Variants in MYH14 observed in about 807,000 individuals in gnomAD.
MYH14 encodes myosin-14.
MYH14 carries 123 observed loss-of-function variants against 255.5 expected under a neutral mutation model. The ratio of observed to expected loss-of-function variants is 0.48; its 90% CI spans 0.42 to 0.56. The LOEUF (loss-of-function observed/expected upper bound fraction) is 0.56, where lower values mean the gene tolerates loss of function less well. MYH14 is among the 20% of genes least tolerant of loss of function. MYH14 has a pLI of 0.00. For synonymous variants in MYH14, 1,095 were observed against 1,161.2 expected, an observed-to-expected ratio of 0.94 and a Z score of 1.16; for missense variants, 2,423 against 2,802.3, an observed-to-expected ratio of 0.86 and a Z score of 3.06.
chr19:50,310,063 A>T lies in MYH14; in HGVS notation c.*273A>T, dbSNP rs1035941349. On this transcript the variant is annotated 3_prime_UTR_variant, in exon 43 of 43. Coordinates refer to ENST00000642316, the MANE Select transcript of MYH14 (RefSeq NM_001145809.2). The stretch of plus-strand genomic sequence containing the variant: ...GGTACAGTTGGCAAGCTGTGTTTCC[A>T]TCAGCTCCCTGTCCTCCTTTCTTCC... The T allele has an allele frequency of 1.8e-6, 1 of 558,386 alleles. No homozygotes were observed. The highest frequency in any genetic ancestry group is 1.9e-5 in the African/African-American group (1 of 52,636). 34.6% of individuals were successfully genotyped at this position (558,386 alleles called of 1,614,324 possible).
chr19:50,282,803 G>A (rs1292756548), intron 33 of MYH14, among the ~76,000 whole-genome samples: 1 of 152,150 alleles, frequency 6.6e-6, no homozygotes, highest in Admixed American at 6.5e-5. Flanking sequence ...CTCTCTTTAT[G>A]TTTGGTTCTT....
chr19:50,306,938 A>G, intron 40 of MYH14, 111 bp from the exon 41 acceptor site: 1 of 784,400 alleles, frequency 1.3e-6, no homozygotes, highest in Non-Finnish European at 2.2e-6. Context: ...GGGTTAGGAA[A>G]GAGGGAAGAA....
intron 39 of MYH14, among the ~76,000 whole-genome samples, chr19:50,297,307 T>C (rs1292539296): frequency 1.3e-5 from 2 of 151,882 alleles, no homozygotes; most frequent in Admixed American, 1.3e-4. Flanking sequence ...CTCGTGGTCC[T>C]GGAGGCCAGA....
At chr19:50,299,869 C>T (rs1426246925) in intron 39 of MYH14, among the ~76,000 whole-genome samples, 4 of 150,846 alleles carry the variant, frequency 2.7e-5, no homozygotes, top group South Asian at 2.1e-4. Flanking sequence ...CGCTTGACCC[C>T]GGGAGGCAGA....
In MYH14 at chr19:50,293,143, G is replaced by A; in HGVS notation, c.5257-90G>A. The A allele has an allele frequency of 3.3e-6, 3 of 910,320 alleles. No homozygotes were observed. The highest frequency in any genetic ancestry group is 2.0e-5 in the Admixed American group (1 of 49,990). 56.4% of individuals were successfully genotyped at this position (910,320 alleles called of 1,614,324 possible). A position where few individuals can be genotyped will look rare whatever the true frequency, so the allele number is the denominator to read the frequency against. On this transcript the variant is annotated intron_variant, in intron 37 of 42. Transcript: ENST00000642316. This position sits in a 1 kb window ranked among gnomAD's most constrained non-coding sequence, Gnocchi z 4.1. ...GGACAGCATGAGAAAAAAGCCAAGA[G>A]CCTTGAGGTGTGAGGGACAGAGAAA...
At chr19:50,226,792 G>C (rs1600887399) in intron 7 of MYH14, 111 bp from the exon 8 acceptor site, 1 of 930,220 alleles carries the variant, frequency 1.1e-6, no homozygotes, top group Non-Finnish European at 1.6e-6. Context: ...CAAGGAAGTG[G>C]GGGGGCAGCC....
At chr19:50,224,037 A>AC in intron 5 of MYH14, 117 bp from the exon 6 acceptor site, 4 of 252,566 alleles carry the variant, frequency 1.6e-5, no homozygotes, top group South Asian at 1.0e-4. Flanking sequence ...CGGTTTCCCC[A>AC]GTCCCCCTTC....
At chr19:50,279,531 G>A (rs1237716270) in intron 30 of MYH14, among the ~76,000 whole-genome samples, 2 of 152,184 alleles carry the variant, frequency 1.3e-5, no homozygotes, top group Non-Finnish European at 2.9e-5. Context: ...TACTTGGGAG[G>A]CTAAGGCAGG....
intron 10 of MYH14, among the ~76,000 whole-genome samples, chr19:50,233,591 T>C (rs1670730): frequency 0.62 from 94,933 of 152,022 alleles, 29,768 homozygotes; most frequent in East Asian, 0.72. Flanking sequence ...AGAAATTGAT[T>C]GTCTTGTGGT....
chr19:50,229,606 C>T (rs2033275222), intron 8 of MYH14, among the ~76,000 whole-genome samples: 1 of 152,106 alleles, frequency 6.6e-6, no homozygotes, highest in African/African-American at 2.4e-5. Flanking sequence ...TGCTGCTGTG[C>T]TCCAGCTGAG....
At position 50,276,204 on chromosome 19, in the gene MYH14, G is replaced by A; in HGVS notation, c.3680+1G>A. ...CCACCAACGCACAGCAGGAGCTCCGGTGAGGCCCGGTGGCAGGCCGCTGTC... is the reference window on the plus strand; with the variant it reads ...CCACCAACGCACAGCAGGAGCTCCGATGAGGCCCGGTGGCAGGCCGCTGTC... On this transcript the variant is annotated splice_donor_variant, in intron 28 of 42. Coordinates refer to ENST00000642316, the MANE Select transcript of MYH14 (RefSeq NM_001145809.2). LOFTEE classifies it high-confidence loss of function. This position sits in a 1 kb window ranked among gnomAD's most constrained non-coding sequence, Gnocchi z 4.3. 1 of 1,534,404 alleles carries A rather than the reference G, an allele frequency of 6.5e-7. No homozygotes were observed. The highest frequency in any genetic ancestry group is 8.8e-7 in the Non-Finnish European group (1 of 1,139,152).
At position 50,250,353 on chromosome 19, in the gene MYH14, G is replaced by A. The variant is rs1169141673; in HGVS notation, c.1657-162G>A. The stretch of plus-strand genomic sequence containing the variant: ...CCTGACCTCGTGATCTACCCGCCTC[G>A]GCCTCCCAAAGTGCTGGGATTACAG... On this transcript the variant is annotated intron_variant, in intron 14 of 42. Transcript: ENST00000642316. The surrounding 1 kb of genome is among the most constrained non-coding windows in gnomAD (Gnocchi z 5.4). Among the ~76,000 whole-genome samples, 2 of 151,222 alleles carry A rather than the reference G, an allele frequency of 1.3e-5. No individual in the cohort carries two copies. Among genetic ancestry groups the A allele is most frequent in the South Asian group, 2.1e-4 (1 of 4,798 alleles).
At position 50,252,153 on chromosome 19, in the gene MYH14, G is replaced by C. The variant is rs2034425417; in HGVS notation, c.1831-486G>C. Among the ~76,000 whole-genome samples, 1 of 152,194 alleles carries C rather than the reference G, an allele frequency of 6.6e-6. No homozygotes were observed. Reference sequence around the variant, plus strand: ...TCTGCTAGGCCGTGAGTCAGACCTGGGCCCTGCCCTCGGGGGACCGCTGTC... The same window carrying C: ...TCTGCTAGGCCGTGAGTCAGACCTGCGCCCTGCCCTCGGGGGACCGCTGTC... On this transcript the variant is annotated intron_variant, in intron 15 of 42. Transcript: ENST00000642316. The surrounding 1 kb of genome is among the most constrained non-coding windows in gnomAD (Gnocchi z 4.2).
At chr19:50,297,642 G>T (rs192706141) in intron 39 of MYH14, among the ~76,000 whole-genome samples, 59 of 150,448 alleles carry the variant, frequency 3.9e-4, no homozygotes, top group Middle Eastern at 3.4e-3. Flanking sequence ...GATTACAGGC[G>T]CCCACCACCA....
Position 50,302,113 on chromosome 19 carries a change from TA to T in MYH14, c.5678+268del, listed in dbSNP as rs765650409. On this transcript the variant is annotated intron_variant, in intron 40 of 42. Coordinates refer to ENST00000642316, the MANE Select transcript of MYH14 (RefSeq NM_001145809.2). ...GGGCAACATAGCAAGACCTCATCTC[TA>T]AAAAAAAAAAAAAAAAAAAAAAAGC... Among the ~76,000 whole-genome samples the T allele has an allele frequency of 0.065, 3,575 of 54,614 alleles. 54 individuals carry two copies. The highest frequency in any genetic ancestry group is 0.15 in the East Asian group (264 of 1,820). The allele number at this position is 54,614 out of a possible 152,430, so 35.8% of individuals were successfully genotyped here.
Position 50,293,544 on chromosome 19 carries a change from A to C in MYH14, c.5346-20A>C. 1 of 1,611,848 alleles carries C rather than the reference A, an allele frequency of 6.2e-7. No individual in the cohort carries two copies. Among genetic ancestry groups the C allele is most frequent in the Non-Finnish European group, 8.5e-7 (1 of 1,179,148 alleles). ...CTGACCATCCTGTCCTTTCATCCCC[A>C]CGCCTTCCTGTCTCCCTAGGGCAGC... On this transcript the variant is annotated intron_variant, in intron 38 of 42. Coordinates refer to ENST00000642316, the MANE Select transcript of MYH14 (RefSeq NM_001145809.2). This position sits in a 1 kb window ranked among gnomAD's most constrained non-coding sequence, Gnocchi z 4.1.
intron 10 of MYH14, among the ~76,000 whole-genome samples, chr19:50,242,288 A>G (rs568605683): frequency 6.6e-6 from 1 of 152,332 alleles, no homozygotes; most frequent in South Asian, 2.1e-4. Context: ...CCATTTCTGT[A>G]TTAGTCATGC....
rs760604314 is a variant in MYH14 at position 50,293,640 on chromosome 19, A to G, written c.5422A>G (p.Ser1808Gly). 1 of 1,609,746 alleles carries G rather than the reference A, an allele frequency of 6.2e-7. No individual in the cohort carries two copies. The highest frequency in any genetic ancestry group is 1.1e-5 in the South Asian group (1 of 90,434). The change falls in exon 39 of 43, where the codon AGC becomes GGC. Residue 1808 changes from serine to glycine, a missense_variant. By Grantham distance (56) the Ser-to-Gly change is moderately conservative (BLOSUM62 0). Transcript: ENST00000642316. The surrounding 1 kb of genome is among the most constrained non-coding windows in gnomAD (Gnocchi z 4.1). ...QLEEELEEEQ[S>G]NSELLNDRYR... Reference sequence around the variant, plus strand: ...GGAGGAAGAGCTGGAGGAGGAGCAGAGCAACTCGGAGCTGCTCAATGACCG... The same window carrying G: ...GGAGGAAGAGCTGGAGGAGGAGCAGGGCAACTCGGAGCTGCTCAATGACCG...
At chr19:50,244,539 A>G (rs2034023265) in intron 11 of MYH14, among the ~76,000 whole-genome samples, 1 of 138,142 alleles carries the variant, frequency 7.2e-6, no homozygotes, top group South Asian at 2.3e-4. Flanking sequence ...GCTGGAGTGC[A>G]GTGGCGTGAT....
Sources: allele counts gnomAD v4.1 joint callset (sites outside exome capture counted in the v4.1 genomes callset), GRCh38; gene constraint gnomAD v4.1.1; non-coding constraint Gnocchi (gnomAD v3.1); transcripts MANE v1.5; gene names NCBI Gene and HGNC (gene_info 2026-07-23, HGNC 2026-07-21).